OR3A2: variants seen among roughly 807,000 people sequenced by gnomAD.
OR3A2 encodes olfactory receptor 3A2.
For missense variants in OR3A2, 318 were observed against 392.8 expected (o/e 0.81, Z 1.61); for synonymous variants, 126 against 159.3 (o/e 0.79, Z 1.57).
intron 2 of OR3A2, among the ~76,000 whole-genome samples, chr17:3,338,132 T>C (rs1250672152): frequency 6.6e-6 from 1 of 152,242 alleles, no homozygotes; most frequent in Non-Finnish European, 1.5e-5. Flanking sequence ...ATTTTTTTCT[T>C]GTAACTTTGT....
intron 3 of OR3A2, among the ~76,000 whole-genome samples, chr17:3,297,727 A>G (rs577469909): frequency 3.4e-5 from 5 of 147,922 alleles, no homozygotes; most frequent in Admixed American, 1.3e-4. Flanking sequence ...GTAGGGTTCA[A>G]TATTTCTGAA....
At chr17:3,359,493 G>A (rs1039336693) in intron 2 of OR3A2, among the ~76,000 whole-genome samples, 2 of 151,646 alleles carry the variant, frequency 1.3e-5, no homozygotes, top group Admixed American at 1.3e-4. Context: ...CTCAATATTT[G>A]CTTATCTGAA....
At chr17:3,380,346 GC>G (rs1332694743) in intron 2 of OR3A2, among the ~76,000 whole-genome samples, 1 of 152,184 alleles carries the variant, frequency 6.6e-6, no homozygotes, top group African/African-American at 2.4e-5. Context: ...TGGGTTCGGA[GC>G]CCAGGATCTG....
intron 3 of OR3A2, among the ~76,000 whole-genome samples, chr17:3,289,859 G>A (rs1347781252): frequency 1.3e-5 from 2 of 152,076 alleles, no homozygotes; most frequent in African/African-American, 2.4e-5. Flanking sequence ...AAGTTTGTCT[G>A]ATGATGCAAT....
chr17:3,362,737 G>C lies in OR3A2; in HGVS notation c.-179+21067C>G, dbSNP rs143564424. Among the ~76,000 whole-genome samples the C allele has an allele frequency of 6.0e-4, 91 of 151,792 alleles. 1 individual carries two copies. The highest frequency in any genetic ancestry group is 4.4e-3 in the South Asian group (21 of 4,814). On this transcript the variant is annotated intron_variant, in intron 2 of 4. Transcript: ENST00000573491. ...TTCCCCTCAGCACTCCACTAGCAGA[G>C]GTTATCCGTGATGGCTGAGCCCCTG...
At chr17:3,368,868 G>A (rs2049586390) in intron 2 of OR3A2, among the ~76,000 whole-genome samples, 1 of 152,158 alleles carries the variant, frequency 6.6e-6, no homozygotes, top group South Asian at 2.1e-4. Context: ...CCATTCATGA[G>A]CATGGGATAT....
At chr17:3,309,463 C>T (rs1376738564) in intron 3 of OR3A2, among the ~76,000 whole-genome samples, 1 of 152,084 alleles carries the variant, frequency 6.6e-6, no homozygotes, top group Admixed American at 6.5e-5. Context: ...GAGAGTTCAC[C>T]TGTATATTCA....
intron 2 of OR3A2, among the ~76,000 whole-genome samples, chr17:3,364,374 G>C (rs1230543498): frequency 6.6e-6 from 1 of 151,982 alleles, no homozygotes; most frequent in Admixed American, 6.6e-5. Context: ...TTCTCTTTTA[G>C]CTATTTTGAA....
intron 2 of OR3A2, among the ~76,000 whole-genome samples, chr17:3,348,673 C>G (rs2049391178): frequency 6.6e-6 from 1 of 151,952 alleles, no homozygotes; most frequent in East Asian, 1.9e-4. Flanking sequence ...TCAGGAAATA[C>G]AGACAACACC....
chr17:3,353,913 A>AT (rs71153346), intron 2 of OR3A2, among the ~76,000 whole-genome samples: 65,023 of 150,642 alleles, frequency 0.43, 14,216 homozygotes, highest in Admixed American at 0.53. Context: ...TTATTCATCC[A>AT]TTTTTTTTTG....
intron 2 of OR3A2, among the ~76,000 whole-genome samples, chr17:3,353,542 C>G (rs1017856102): frequency 2.0e-5 from 3 of 151,826 alleles, no homozygotes; most frequent in African/African-American, 7.2e-5. Flanking sequence ...TATTCTCCTT[C>G]TATATCCAGG....
chr17:3,386,165 C>T, exon 1 of OR3A2: 2 of 398,940 alleles, frequency 5.0e-6, no homozygotes, highest in Non-Finnish European at 8.8e-6. Context: ...GTCACGGTCC[C>T]CAGGCTGCTG....
chr17:3,278,903 A>G (rs776931878), exon 2 of OR3A2: 5 of 1,522,228 alleles, frequency 3.3e-6, no homozygotes, highest in Non-Finnish European at 4.4e-6. Context: ...TATTGGTCCC[A>G]GCTTCTGGCT....
intron 3 of OR3A2, among the ~76,000 whole-genome samples, chr17:3,333,882 T>A (rs951069891): frequency 6.6e-6 from 1 of 152,006 alleles, no homozygotes; most frequent in African/African-American, 2.4e-5. Context: ...ATCCAGAGTC[T>A]ACAAGGAACT....
At chr17:3,321,303 T>C (rs997867658) in intron 3 of OR3A2, among the ~76,000 whole-genome samples, 1 of 152,170 alleles carries the variant, frequency 6.6e-6, no homozygotes, top group African/African-American at 2.4e-5. Context: ...GTTTTCTAGA[T>C]ATACAATCAT....
intron 1 of OR3A2, 148 bp downstream of exon 3, chr17:3,284,210 C>G (rs992597159): frequency 1.3e-5 from 2 of 150,068 alleles, no homozygotes; most frequent in Non-Finnish European, 3.0e-5. Flanking sequence ...CAAAAGAACC[C>G]AGGACCTCCG....
chr17:3,330,112 G>C (rs1403462466), intron 3 of OR3A2, among the ~76,000 whole-genome samples: 2 of 147,570 alleles, frequency 1.4e-5, no homozygotes, highest in Non-Finnish European at 3.0e-5. Context: ...TACATTTGCT[G>C]AGGAGAGCTT....
intron 2 of OR3A2, among the ~76,000 whole-genome samples, chr17:3,345,673 A>G (rs1487987170): frequency 6.6e-6 from 1 of 152,160 alleles, no homozygotes; most frequent in Non-Finnish European, 1.5e-5. Context: ...TAGAGAGAAA[A>G]GAAAAATTGA....
chr17:3,366,635 A>G (rs902359971), intron 2 of OR3A2, among the ~76,000 whole-genome samples: 3 of 152,158 alleles, frequency 2.0e-5, no homozygotes, highest in Non-Finnish European at 2.9e-5. Flanking sequence ...GAGATTTATG[A>G]TTTTCCAATT....
Sources: gnomAD v4.1 joint callset for allele counts (sites outside exome capture counted in the v4.1 genomes callset) on GRCh38, gnomAD v4.1.1 for gene constraint, MANE v1.5 for transcripts, NCBI Gene and HGNC (gene_info 2026-07-23, HGNC 2026-07-21) for gene names.